Variants in NLGN1 observed in about 807,000 individuals in gnomAD.
The protein encoded by NLGN1 is neuroligin-1.
In NLGN1, 12 loss-of-function variants were observed where a neutral mutation model predicts 65.5. That is an observed-to-expected ratio of 0.18 (90% CI 0.12 to 0.30). The LOEUF (loss-of-function observed/expected upper bound fraction) is 0.30, where lower values mean the gene tolerates loss of function less well. Ranked by LOEUF, NLGN1 falls within the 10% of genes least tolerant of loss-of-function variation. NLGN1 has a pLI of 1.00. For synonymous variants in NLGN1, 350 were observed against 359.5 expected (o/e 0.97, Z 0.30); for missense variants, 750 against 1,007.1 (o/e 0.74, Z 3.46).
At chr3:173,455,492 C>A (rs777275186) in intron 2 of NLGN1, among the ~76,000 whole-genome samples, 1 of 152,016 alleles carries the variant, frequency 6.6e-6, no homozygotes, top group Non-Finnish European at 1.5e-5. Flanking sequence ...TCAGTGATCA[C>A]CCTAATAGAT....
chr3:173,854,703 A>G (rs527823408), intron 4 of NLGN1, among the ~76,000 whole-genome samples: 160 of 152,210 alleles, frequency 1.1e-3, no homozygotes, highest in African/African-American at 3.6e-3. Context: ...ATTAATGGTC[A>G]TATTTATTGG....
At chr3:174,260,365 A>G (rs553321189) in intron 4 of NLGN1, among the ~76,000 whole-genome samples, 209 of 149,494 alleles carry the variant, frequency 1.4e-3, no homozygotes, top group Middle Eastern at 7.0e-3. Flanking sequence ...TGACTTTTTA[A>G]TGATTGCCAT....
At chr3:173,529,337 C>G (rs1035042292) in intron 2 of NLGN1, among the ~76,000 whole-genome samples, 1 of 152,150 alleles carries the variant, frequency 6.6e-6, no homozygotes, top group Non-Finnish European at 1.5e-5. Context: ...CTGTGAGGTG[C>G]TCTCTGTTGT....
chr3:173,614,330 TC>T (rs1376517590), intron 3 of NLGN1, among the ~76,000 whole-genome samples: 1 of 152,016 alleles, frequency 6.6e-6, no homozygotes, highest in African/African-American at 2.4e-5. Flanking sequence ...GGAAGAGGGA[TC>T]CCTGGTTAAA....
intron 4 of NLGN1, among the ~76,000 whole-genome samples, chr3:174,038,228 C>G (rs886377856): frequency 3.3e-5 from 5 of 152,162 alleles, no homozygotes; most frequent in African/African-American, 1.2e-4. Flanking sequence ...TGGAACTTTA[C>G]TGCCCCACTG....
intron 1 of NLGN1, among the ~76,000 whole-genome samples, chr3:173,434,797 A>C (rs987554123): frequency 1.3e-5 from 2 of 152,256 alleles, no homozygotes; most frequent in African/African-American, 4.8e-5. Flanking sequence ...GAGTAGGTTC[A>C]GAATTATCTG....
At chr3:173,445,234 C>T (rs1719984445) in intron 2 of NLGN1, among the ~76,000 whole-genome samples, 2 of 141,974 alleles carry the variant, frequency 1.4e-5, no homozygotes, top group Admixed American at 1.4e-4. Context: ...CGCCACTGCA[C>T]TCCAGCCTGG....
At chr3:173,446,954 C>G (rs1171642385) in intron 2 of NLGN1, among the ~76,000 whole-genome samples, 2 of 151,996 alleles carry the variant, frequency 1.3e-5, no homozygotes, top group Middle Eastern at 3.2e-3. Context: ...ATTGTAGATT[C>G]TGGATATTAG....
chr3:173,881,299 A>G (rs1733209544), intron 4 of NLGN1, among the ~76,000 whole-genome samples: 1 of 151,136 alleles, frequency 6.6e-6, no homozygotes. Flanking sequence ...AGGGTTCACC[A>G]TGTTGGCCAA....
At chr3:173,909,257 C>T (rs1443208137) in intron 4 of NLGN1, among the ~76,000 whole-genome samples, 2 of 152,034 alleles carry the variant, frequency 1.3e-5, no homozygotes, top group African/African-American at 2.4e-5. Flanking sequence ...GCATTTGGCA[C>T]CTAGAAGAGA....
intron 4 of NLGN1, among the ~76,000 whole-genome samples, chr3:173,933,184 A>G (rs1244104417): frequency 6.6e-6 from 1 of 152,174 alleles, no homozygotes; most frequent in East Asian, 1.9e-4. Context: ...TGAAAGAGAT[A>G]AGAAGGCAAA....
At chr3:173,656,660 C>G (rs550524734) in intron 3 of NLGN1, among the ~76,000 whole-genome samples, 1 of 152,236 alleles carries the variant, frequency 6.6e-6, no homozygotes, top group Non-Finnish European at 1.5e-5. Flanking sequence ...ACCCCCACCA[C>G]TATCTGAATT....
chr3:174,204,220 T>C (rs1177825394), intron 4 of NLGN1, among the ~76,000 whole-genome samples: 2 of 152,204 alleles, frequency 1.3e-5, no homozygotes, highest in African/African-American at 2.4e-5. Context: ...CCAAGTATTT[T>C]CTTGATAACT....
At chr3:173,511,906 C>T (rs1348807389) in intron 2 of NLGN1, among the ~76,000 whole-genome samples, 1 of 152,062 alleles carries the variant, frequency 6.6e-6, no homozygotes, top group Non-Finnish European at 1.5e-5. Flanking sequence ...AATTCCTTAC[C>T]TTATAATTAT....
At chr3:174,061,513 T>A (rs959204807) in intron 4 of NLGN1, among the ~76,000 whole-genome samples, 1 of 152,090 alleles carries the variant, frequency 6.6e-6, no homozygotes, top group Non-Finnish European at 1.5e-5. Context: ...CTGAGAGGTA[T>A]TGTCAACCCA....
chr3:174,265,763 CTATA>C (rs374563161), intron 4 of NLGN1, among the ~76,000 whole-genome samples: 3 of 125,664 alleles, frequency 2.4e-5, no homozygotes, highest in Non-Finnish European at 4.8e-5. Flanking sequence ...ACTAAGAAGG[CTATA>C]TATATATATA....
intron 4 of NLGN1, among the ~76,000 whole-genome samples, chr3:173,921,868 A>AACAG (rs1742083318): frequency 6.6e-6 from 1 of 152,108 alleles, no homozygotes; most frequent in South Asian, 2.1e-4. Flanking sequence ...GGCTGACTGA[A>AACAG]ACAGACCCTT....
intron 4 of NLGN1, among the ~76,000 whole-genome samples, chr3:173,848,484 C>T (rs1429468485): frequency 2.0e-5 from 3 of 152,134 alleles, no homozygotes; most frequent in African/African-American, 7.2e-5. Context: ...TTATTTATTT[C>T]ATAAGGAGTA....
At chr3:173,884,864 CCT>C (rs942535426) in intron 4 of NLGN1, among the ~76,000 whole-genome samples, 3 of 152,068 alleles carry the variant, frequency 2.0e-5, no homozygotes, top group Non-Finnish European at 4.4e-5. Context: ...AAGGCTGCTC[CCT>C]GTTTCCAAGA....
Sources: gnomAD v4.1 joint callset for allele counts (sites outside exome capture counted in the v4.1 genomes callset) on GRCh38, gnomAD v4.1.1 for gene constraint, MANE v1.5 for transcripts, NCBI Gene and HGNC (gene_info 2026-07-23, HGNC 2026-07-21) for gene names.